Variants in PRUNE2 observed in about 807,000 individuals in gnomAD.
PRUNE2 encodes the protein protein prune homolog 2.
In PRUNE2, 164 loss-of-function variants were observed where a neutral mutation model predicts 252.0. That is an observed-to-expected ratio of 0.65 (90% CI 0.57 to 0.74). PRUNE2 has a LOEUF of 0.74. Among genes scored for constraint, PRUNE2 ranks in the 30% least tolerant of loss-of-function variants. The pLI is 0.00. For missense variants in PRUNE2, 3,495 were observed against 3,711.0 expected (o/e 0.94, Z 1.51); for synonymous variants, 1,292 against 1,350.2 (o/e 0.96, Z 0.94).
intron 1 of PRUNE2, among the ~76,000 whole-genome samples, chr9:76,872,466 A>C: frequency 6.6e-6 from 1 of 152,118 alleles, no homozygotes; most frequent in African/African-American, 2.4e-5. Flanking sequence ...GGCTTCACAG[A>C]GGAGGTGACT....
chr9:76,666,709 G>A (rs471623), intron 9 of PRUNE2, among the ~76,000 whole-genome samples: 17 of 151,844 alleles, frequency 1.1e-4, no homozygotes, highest in Admixed American at 2.6e-4. Flanking sequence ...ACCAGTCTCC[G>A]CGTCTTGGTG....
chr9:76,730,859 C>T (rs1441173826), intron 6 of PRUNE2, among the ~76,000 whole-genome samples: 2 of 152,180 alleles, frequency 1.3e-5, no homozygotes, highest in Non-Finnish European at 2.9e-5. Context: ...GCTGTGATCG[C>T]ACCACTGCAC....
At chr9:76,864,071 GA>G (rs2060701069) in intron 1 of PRUNE2, among the ~76,000 whole-genome samples, 1 of 152,120 alleles carries the variant, frequency 6.6e-6, no homozygotes, top group South Asian at 2.1e-4. Flanking sequence ...ATTGGATAAA[GA>G]AAATATGGTA....
chr9:76,734,386 A>G (rs2048896569), intron 6 of PRUNE2, among the ~76,000 whole-genome samples: 2 of 152,218 alleles, frequency 1.3e-5, no homozygotes, highest in African/African-American at 4.8e-5. Flanking sequence ...GAGATAGTGA[A>G]GTCAGGAAGA....
intron 6 of PRUNE2, chr9:76,737,406 C>T (rs1156708195): frequency 6.6e-6 from 1 of 152,202 alleles, no homozygotes; most frequent in South Asian, 2.1e-4. Flanking sequence ...CGCTGCAGGG[C>T]AGCACATATA....
chr9:76,643,439 T>G (rs1189384000), intron 12 of PRUNE2, among the ~76,000 whole-genome samples: 8 of 151,978 alleles, frequency 5.3e-5, no homozygotes, highest in African/African-American at 1.9e-4. Flanking sequence ...GCAAAGGAGA[T>G]GTGACCTGGG....
intron 1 of PRUNE2, among the ~76,000 whole-genome samples, chr9:76,865,142 A>G (rs2060763398): frequency 6.6e-6 from 1 of 152,188 alleles, no homozygotes; most frequent in South Asian, 2.1e-4. Flanking sequence ...TCAGTGTTAG[A>G]GAAGAAACAA....
At chr9:76,804,582 C>G (rs2056801796) in intron 6 of PRUNE2, among the ~76,000 whole-genome samples, 1 of 152,166 alleles carries the variant, frequency 6.6e-6, no homozygotes, top group African/African-American at 2.4e-5. Context: ...CAGGCTTTAC[C>G]TTCCTCCACC....
chr9:76,642,108 A>G (rs1187808417), intron 12 of PRUNE2: 1 of 727,236 alleles, frequency 1.4e-6, no homozygotes, highest in African/African-American at 1.8e-5. Flanking sequence ...CAAGTTCAAA[A>G]AAAAAGCCAG....
chr9:76,702,435 T>G (rs1289793850), intron 9 of PRUNE2, among the ~76,000 whole-genome samples: 3 of 152,302 alleles, frequency 2.0e-5, no homozygotes, highest in Admixed American at 6.5e-5. Flanking sequence ...CAATTTGTTC[T>G]TTTGTCCCTG....
At chr9:76,807,049 T>TGCGCGC (rs564656721) in intron 6 of PRUNE2, among the ~76,000 whole-genome samples, 5 of 132,210 alleles carry the variant, frequency 3.8e-5, no homozygotes, top group South Asian at 2.6e-4. Flanking sequence ...TGTGTGTGTG[T>TGCGCGC]GTGCGCGCGC....
chr9:76,852,870 T>C (rs1306523322), intron 2 of PRUNE2, among the ~76,000 whole-genome samples: 3 of 152,138 alleles, frequency 2.0e-5, no homozygotes, highest in Non-Finnish European at 2.9e-5. Context: ...TCTATCACAA[T>C]TACTTTTTCT....
At position 76,706,803 on chromosome 9, in the gene PRUNE2, G is replaced by T; in HGVS notation, c.5471C>A (p.Ala1824Asp). ...NSQLEMLGFS[A>D]DSTEWWKASP... ...GGCCTTCCACCACTCAGTGCTATCA[G>T]CTGAGAAGCCCAGCATTTCCAGTTG... The change falls in exon 8 of 19, where the codon GCT becomes GAT. Residue 1824 changes from alanine (A) to aspartate (D), a missense_variant. Physicochemically the swap from Ala to Asp is moderately radical, Grantham distance 126 (BLOSUM62 -2). Transcript: ENST00000376718. The T allele has an allele frequency of 6.2e-7, 1 of 1,604,460 alleles. No individual in the cohort carries two copies. Among genetic ancestry groups the T allele is most frequent in the South Asian group, 1.1e-5 (1 of 89,454 alleles).
intron 4 of PRUNE2, among the ~76,000 whole-genome samples, chr9:76,839,894 A>G (rs2059285917): frequency 1.3e-5 from 2 of 152,202 alleles, no homozygotes; most frequent in Non-Finnish European, 2.9e-5. Flanking sequence ...TAACTCCTAG[A>G]TGATGGCTTT....
At chr9:76,688,907 G>T (rs779852127) in intron 9 of PRUNE2, among the ~76,000 whole-genome samples, 1 of 152,064 alleles carries the variant, frequency 6.6e-6, no homozygotes, top group Non-Finnish European at 1.5e-5. Context: ...TGACTCCATA[G>T]CTGGGTTTAT....
chr9:76,628,022 T>A (rs116722979), intron 16 of PRUNE2, among the ~76,000 whole-genome samples: 1,934 of 152,252 alleles, frequency 0.013, 29 homozygotes, highest in African/African-American at 0.036. Context: ...AAACGAGAGG[T>A]ACATTTTGCT....
chr9:76,714,053 AG>A (rs1397501638), intron 6 of PRUNE2, among the ~76,000 whole-genome samples: 1 of 152,212 alleles, frequency 6.6e-6, no homozygotes, highest in African/African-American at 2.4e-5. Flanking sequence ...TGTCGCTTAT[AG>A]GATCTATATA....
intron 6 of PRUNE2, among the ~76,000 whole-genome samples, chr9:76,720,336 T>C (rs1202319974): frequency 1.3e-5 from 2 of 152,264 alleles, no homozygotes; most frequent in Admixed American, 6.5e-5. Context: ...TTCTGAAACC[T>C]TATTGTGTCT....
At chr9:76,633,245 T>A (rs1221802275) in intron 15 of PRUNE2, among the ~76,000 whole-genome samples, 1 of 151,434 alleles carries the variant, frequency 6.6e-6, no homozygotes, top group Non-Finnish European at 1.5e-5. Context: ...TATTTTACAA[T>A]GTAAAAATCA....
Sources: gnomAD v4.1 joint callset for allele counts (sites outside exome capture counted in the v4.1 genomes callset) on GRCh38, gnomAD v4.1.1 for gene constraint, MANE v1.5 for transcripts, NCBI Gene and HGNC (gene_info 2026-07-23, HGNC 2026-07-21) for gene names.